SH3BP2: variants seen among roughly 807,000 people sequenced by gnomAD.
SH3BP2 encodes the protein SH3 domain-binding protein 2.
Under a neutral mutation model 56.2 loss-of-function variants are expected in SH3BP2, and 38 were observed. The observed-to-expected ratio is 0.68, with a 90% CI of 0.52 to 0.89. SH3BP2 has a LOEUF of 0.89. SH3BP2 is among the 40% of genes least tolerant of loss of function. The probability of loss-of-function intolerance (pLI) is 0.00; values close to 1 mark genes in which losing one functional copy is unlikely to be tolerated. For synonymous variants in SH3BP2, 346 were observed against 316.7 expected (o/e 1.09, Z -0.98); for missense variants, 748 against 762.6 (o/e 0.98, Z 0.23).
intron 1 of SH3BP2, among the ~76,000 whole-genome samples, chr4:2,802,637 G>A (rs1049759137): frequency 5.4e-5 from 8 of 148,116 alleles, no homozygotes; most frequent in African/African-American, 1.5e-4. Flanking sequence ...TGTATGTGGT[G>A]TGTGTATATA....
rs1273303198 is a variant in SH3BP2 at position 2,827,552 on chromosome 4, C to A, written c.518-54C>A. On this transcript the variant is annotated intron_variant, in intron 6 of 12. Coordinates refer to ENST00000503393, the MANE Select transcript of SH3BP2 (RefSeq NM_001122681.2). ...TCAGCCCCATGCATGGAGCATTGCTCGGAGACTGGGCCTGGGCCGGTTTGG... is the reference window on the plus strand; with the variant it reads ...TCAGCCCCATGCATGGAGCATTGCTAGGAGACTGGGCCTGGGCCGGTTTGG... 6 of 1,534,876 alleles carry A rather than the reference C, an allele frequency of 3.9e-6. No individual in the cohort carries two copies. In the African/African-American group the frequency reaches 6.9e-5, roughly 18 times the overall value.
At chr4:2,797,710 C>T (rs1021771505) in intron 1 of SH3BP2, among the ~76,000 whole-genome samples, 10 of 152,152 alleles carry the variant, frequency 6.6e-5, no homozygotes, top group African/African-American at 2.2e-4. Flanking sequence ...TGTCCGCCTG[C>T]CCCTCCTGCT....
rs540005246 is a variant in SH3BP2 at position 2,828,747 on chromosome 4, C to T, written c.587-746C>T. Among the ~76,000 whole-genome samples the T allele has an allele frequency of 5.9e-5, 9 of 152,322 alleles. No individual in the cohort carries two copies. In the South Asian group the frequency reaches 1.0e-3, roughly 18 times the overall value. The stretch of plus-strand genomic sequence containing the variant: ...CTCTGTACCCCCTTCATCCTCTCCC[C>T]GAGACATTTCTCGTCCAGGACGCCT... On this transcript the variant is annotated intron_variant, in intron 7 of 12. Coordinates refer to ENST00000503393, the MANE Select transcript of SH3BP2 (RefSeq NM_001122681.2).
intron 7 of SH3BP2, among the ~76,000 whole-genome samples, chr4:2,827,936 C>T (rs1190305168): frequency 6.6e-6 from 1 of 152,166 alleles, no homozygotes; most frequent in Admixed American, 6.5e-5. Context: ...CGGGGTGGCC[C>T]TGGGGGTTAA....
In SH3BP2 at chr4:2,840,905, C is replaced by G. The variant is rs1462644951; in HGVS notation, c.*7071C>G. 1.3e-5 allele frequency: 2 copies of G among 151,972 alleles called. No individual in the cohort carries two copies. Among genetic ancestry groups the G allele is most frequent in the Non-Finnish European group, 2.9e-5 (2 of 67,986 alleles). The allele number at this position is 151,972 out of a possible 1,614,324, so 9.4% of individuals were successfully genotyped here. A position where few individuals can be genotyped will look rare whatever the true frequency, so the allele number is the denominator to read the frequency against. On this transcript the variant is annotated 3_prime_UTR_variant, in exon 13 of 13. Transcript: ENST00000503393. ...ACCAATAGGATTTTATATTTTTGTCCATTGTGGTCTTGCTTATCTTAAGTT... is the reference window on the plus strand; with the variant it reads ...ACCAATAGGATTTTATATTTTTGTCGATTGTGGTCTTGCTTATCTTAAGTT...
intron 1 of SH3BP2, among the ~76,000 whole-genome samples, chr4:2,812,952 C>A (rs982671949): frequency 2.0e-5 from 3 of 152,148 alleles, no homozygotes; most frequent in Admixed American, 2.0e-4. Flanking sequence ...TGCTCTGAAA[C>A]CTGCAATGTG....
In SH3BP2 at chr4:2,820,148, T is replaced by C. The variant is rs570352385; in HGVS notation, c.-4-466T>C. Among the ~76,000 whole-genome samples, 8 of 152,316 alleles carry C rather than the reference T, an allele frequency of 5.3e-5. No individual in the cohort carries two copies. The East Asian group carries it at 1.2e-3, about 22-fold the overall frequency. ...ACACCAGGATGGGAGCCCAGGTCGTTTGAGCTGGGTGCTCTTGGCTGCTCA... is the reference window on the plus strand; with the variant it reads ...ACACCAGGATGGGAGCCCAGGTCGTCTGAGCTGGGTGCTCTTGGCTGCTCA... On this transcript the variant is annotated intron_variant, in intron 1 of 12. Coordinates refer to ENST00000503393, the MANE Select transcript of SH3BP2 (RefSeq NM_001122681.2).
At chr4:2,796,465 C>G (rs531778940) in intron 1 of SH3BP2, 1 of 985,278 alleles carries the variant, frequency 1.0e-6, no homozygotes, top group African/African-American at 1.7e-5. Flanking sequence ...CTGGCCCCAA[C>G]GCCCTGAGGT....
chr4:2,833,143 A>C (rs1477398913), intron 12 of SH3BP2, 94 bp downstream of exon 12: 4 of 1,143,208 alleles, frequency 3.5e-6, no homozygotes, highest in Non-Finnish European at 5.3e-6. Context: ...CAGCGGGTAG[A>C]CTGAGACTGG....
rs113845224 is a variant in SH3BP2 at position 2,830,191 on chromosome 4, G to A, written c.1241+44G>A. 0.045 allele frequency: 70,146 copies of A among 1,562,958 alleles called. 1,876 individuals are homozygous for A. The highest frequency in any genetic ancestry group is 0.053 in the Non-Finnish European group (61,521 of 1,159,230). On this transcript the variant is annotated intron_variant, in intron 8 of 12. Coordinates refer to ENST00000503393, the MANE Select transcript of SH3BP2 (RefSeq NM_001122681.2). ...TGCAAGCCCTGCCTCCAGCTACAGG[G>A]ACCCTGGCCTGGCCTCTGACGGGCA... is the stretch of plus-strand genomic sequence containing the variant.
At chr4:2,802,683 A>G (rs887538041) in intron 1 of SH3BP2, among the ~76,000 whole-genome samples, 3 of 147,936 alleles carry the variant, frequency 2.0e-5, no homozygotes, top group Admixed American at 6.6e-5. Context: ...GTATATATAT[A>G]TGTATATATG....
chr4:2,800,042 G>A lies in SH3BP2; in HGVS notation c.-5+6904G>A, dbSNP rs990848456. Among the ~76,000 whole-genome samples, 4 of 152,184 alleles carry A rather than the reference G, an allele frequency of 2.6e-5. No individual in the cohort carries two copies. In the South Asian group the frequency reaches 8.3e-4, roughly 31 times the overall value. On this transcript the variant is annotated intron_variant, in intron 1 of 12. Transcript: ENST00000503393. ...ACCATGAGGAGCTCGGGCGGGGTCT[G>A]GGGAAAGGGTGGGGGCTGCCACAGA... is the stretch of plus-strand genomic sequence containing the variant.
intron 1 of SH3BP2, among the ~76,000 whole-genome samples, chr4:2,802,114 A>G (rs1222718428): frequency 1.3e-5 from 2 of 151,868 alleles, no homozygotes; most frequent in Non-Finnish European, 1.5e-5. Context: ...TCAAAAAAAA[A>G]GGGGCCGGGC....
Position 2,838,712 on chromosome 4 carries a change from G to A in SH3BP2, c.*4878G>A, listed in dbSNP as rs1199030464. On this transcript the variant is annotated 3_prime_UTR_variant, in exon 13 of 13. Coordinates refer to ENST00000503393, the MANE Select transcript of SH3BP2 (RefSeq NM_001122681.2). ...ATGCGTGACCCGAGACAGTTCTTCC[G>A]GTATGGTCCATGGAAGCCAAAAGAT... is the stretch of plus-strand genomic sequence containing the variant. 6.6e-6 allele frequency: 1 copy of A among 151,620 alleles called. No individual in the cohort carries two copies. Among genetic ancestry groups the A allele is most frequent in the Non-Finnish European group, 1.5e-5 (1 of 68,002 alleles). The allele number at this position is 151,620 out of a possible 1,614,324, so 9.4% of individuals were successfully genotyped here. A position where few individuals can be genotyped will look rare whatever the true frequency, so the allele number is the denominator to read the frequency against.
rs1723688603 is a variant in SH3BP2, at chr4:2,810,212, C to T, written c.-4-10402C>T. On this transcript the variant is annotated intron_variant, in intron 1 of 12. Transcript: ENST00000503393. The surrounding 1 kb of genome is among the most constrained non-coding windows in gnomAD (Gnocchi z 4.2). Reference sequence around the variant, plus strand: ...CCCAGCAGCCCAGGACTCCCAGCTCCAGCTTCCCTCTGGGAAGATAGGGTT... The same window carrying T: ...CCCAGCAGCCCAGGACTCCCAGCTCTAGCTTCCCTCTGGGAAGATAGGGTT... Among the ~76,000 whole-genome samples, 1 of 152,068 alleles carries T rather than the reference C, an allele frequency of 6.6e-6. No homozygotes were observed. The highest frequency in any genetic ancestry group is 2.1e-4 in the South Asian group (1 of 4,826).
chr4:2,818,702 G>T (rs1724134852), intron 1 of SH3BP2: 2 of 999,084 alleles, frequency 2.0e-6, no homozygotes, highest in South Asian at 9.3e-5. Context: ...GTGTGGCGGC[G>T]CCTTTGTTCC....
At chr4:2,819,531 CTA>C (rs1724187938) in intron 1 of SH3BP2, among the ~76,000 whole-genome samples, 1 of 152,224 alleles carries the variant, frequency 6.6e-6, no homozygotes, top group African/African-American at 2.4e-5. Flanking sequence ...AGCTGCTCCA[CTA>C]AGGGCTTAAC....
At position 2,835,362 on chromosome 4, in the gene SH3BP2, G is replaced by C. The variant is rs1725195453; in HGVS notation, c.*1528G>C. 6.6e-6 allele frequency: 1 copy of C among 152,270 alleles called. No individual in the cohort carries two copies. The highest frequency in any genetic ancestry group is 1.5e-5 in the Non-Finnish European group (1 of 68,124). 9.4% of individuals were successfully genotyped at this position (152,270 alleles called of 1,614,324 possible). The stretch of plus-strand genomic sequence containing the variant: ...TGGAACTGCAGGCCCTGCAGATGAC[G>C]GCAGCCAGCTGCTTCCAGGAACCAG... On this transcript the variant is annotated 3_prime_UTR_variant, in exon 13 of 13. Coordinates refer to ENST00000503393, the MANE Select transcript of SH3BP2 (RefSeq NM_001122681.2).
Position 2,829,923 on chromosome 4 carries a change from G to A in SH3BP2, c.1017G>A (p.Leu339=). 2 of 1,613,646 alleles carry A rather than the reference G, an allele frequency of 1.2e-6. No individual in the cohort carries two copies. Among genetic ancestry groups the A allele is most frequent in the Middle Eastern group, 1.6e-4 (1 of 6,062 alleles). The part of the protein sequence containing the change: ...RNCDKLKSFH[L]SPRGPPTSEP... The stretch of plus-strand genomic sequence containing the variant: ...GTGACAAACTCAAGTCCTTCCACCT[G>A]TCCCCCCGAGGACCACCCACATCTG... Residue 339 remains leucine (L), a synonymous_variant, in exon 8 of 13, where the codon CTG becomes CTA. Transcript: ENST00000503393. This position sits in a 1 kb window ranked among gnomAD's most constrained non-coding sequence, Gnocchi z 4.9.
Sources: allele counts gnomAD v4.1 joint callset (sites outside exome capture counted in the v4.1 genomes callset), GRCh38; gene constraint gnomAD v4.1.1; non-coding constraint Gnocchi (gnomAD v3.1); transcripts MANE v1.5; gene names NCBI Gene and HGNC (gene_info 2026-07-23, HGNC 2026-07-21).